Variants in CTNND1 observed in about 807,000 individuals in gnomAD.
The protein encoded by CTNND1 is catenin delta 1, also known as catenin delta-1.
CTNND1 carries 16 observed loss-of-function variants against 112.1 expected under a neutral mutation model. That is an observed-to-expected ratio of 0.14 (90% CI 0.10 to 0.22). The LOEUF is 0.22. Among genes scored for constraint, CTNND1 ranks in the 10% least tolerant of loss-of-function variants. CTNND1 has a pLI of 1.00. For synonymous variants in CTNND1, 420 were observed against 446.5 expected, an observed-to-expected ratio of 0.94 and a Z score of 0.75; for missense variants, 1,008 against 1,257.0, an observed-to-expected ratio of 0.80 and a Z score of 3.00.
intron 4 of CTNND1, 36 bp downstream of exon 4, chr11:57,794,117 C>T: frequency 1.3e-6 from 2 of 1,587,344 alleles, no homozygotes; most frequent in Non-Finnish European, 1.7e-6. Flanking sequence ...TTGCTTCATT[C>T]ATATTTTCTT....
At chr11:57,791,913 A>T (rs966818771) in intron 3 of CTNND1, among the ~76,000 whole-genome samples, 4 of 152,158 alleles carry the variant, frequency 2.6e-5, no homozygotes, top group Non-Finnish European at 5.9e-5. Context: ...TTGCTGGAGT[A>T]GGTTTTTTGG....
chr11:57,787,057 A>G (rs1357910498), intron 1 of CTNND1, among the ~76,000 whole-genome samples: 4 of 152,254 alleles, frequency 2.6e-5, no homozygotes, highest in Admixed American at 1.3e-4. Flanking sequence ...TTCTTCACCC[A>G]TGAGTCTTAT....
chr11:57,780,999 C>T (rs576469881), intron 1 of CTNND1, among the ~76,000 whole-genome samples: 2 of 152,262 alleles, frequency 1.3e-5, no homozygotes, highest in Admixed American at 6.5e-5. Flanking sequence ...AGTGCAATGG[C>T]GCAATCTCTG....
chr11:57,813,115 G>A (rs2137591756), intron 17 of CTNND1, among the ~76,000 whole-genome samples: 1 of 152,190 alleles, frequency 6.6e-6, no homozygotes, highest in East Asian at 1.9e-4. Flanking sequence ...AGGATCATTT[G>A]AGCCCAGGAG....
chr11:57,801,503 G>GA (rs1324391543), intron 6 of CTNND1, among the ~76,000 whole-genome samples: 1 of 151,950 alleles, frequency 6.6e-6, no homozygotes. Flanking sequence ...AGACTTCAAA[G>GA]AAAAAAATGT....
intron 1 of CTNND1, among the ~76,000 whole-genome samples, chr11:57,762,343 A>G (rs1451135233): frequency 2.0e-5 from 3 of 152,142 alleles, no homozygotes; most frequent in African/African-American, 7.2e-5. Flanking sequence ...GAAAATTTAC[A>G]TTTTGGTGTG....
At chr11:57,777,997 G>C (rs966868482) in intron 1 of CTNND1, among the ~76,000 whole-genome samples, 11 of 152,212 alleles carry the variant, frequency 7.2e-5, no homozygotes, top group South Asian at 4.2e-4. Flanking sequence ...AGGAGAGGAG[G>C]CTTTCTTTTC....
At chr11:57,762,286 C>G (rs1950014900) in intron 1 of CTNND1, among the ~76,000 whole-genome samples, 167 bp downstream of exon 1, 8 of 152,090 alleles carry the variant, frequency 5.3e-5, no homozygotes. Flanking sequence ...TTCTAGGTCT[C>G]TTTAATACAG....
At chr11:57,768,125 A>G (rs1951575289) in intron 1 of CTNND1, among the ~76,000 whole-genome samples, 1 of 146,696 alleles carries the variant, frequency 6.8e-6, no homozygotes, top group African/African-American at 2.5e-5. Flanking sequence ...GTGAGCCACC[A>G]TGCCCGTCCG....
chr11:57,770,651 C>CA (rs1276591276), intron 1 of CTNND1, among the ~76,000 whole-genome samples: 4 of 147,822 alleles, frequency 2.7e-5, no homozygotes, highest in Admixed American at 6.7e-5. Flanking sequence ...GACTCCATCT[C>CA]AAAAAAAATA....
At chr11:57,778,446 G>A (rs747061534) in intron 1 of CTNND1, among the ~76,000 whole-genome samples, 10 of 152,138 alleles carry the variant, frequency 6.6e-5, no homozygotes, top group Non-Finnish European at 1.2e-4. Context: ...AATCCCTAAT[G>A]CAGTGCCTCC....
intron 2 of CTNND1, among the ~76,000 whole-genome samples, chr11:57,789,693 C>T (rs1357261884): frequency 6.6e-6 from 1 of 152,114 alleles, no homozygotes. Context: ...AAAAAAATCT[C>T]ATAATGTTTC....
At chr11:57,787,110 A>G (rs146180513) in intron 1 of CTNND1, among the ~76,000 whole-genome samples, 1 of 152,360 alleles carries the variant, frequency 6.6e-6, no homozygotes, top group East Asian at 1.9e-4. Context: ...GATTGCCAAG[A>G]TAGTAAATGT....
At chr11:57,793,716 G>A (rs1419610955) in intron 3 of CTNND1, among the ~76,000 whole-genome samples, 1 of 152,180 alleles carries the variant, frequency 6.6e-6, no homozygotes, top group African/African-American at 2.4e-5. Context: ...GCCAGGCACT[G>A]TTCAAGGCAC....
Position 57,819,070 on chromosome 11 carries a change from T to C in CTNND1, c.*2762T>C, listed in dbSNP as rs1283863216. On this transcript the variant is annotated 3_prime_UTR_variant, in exon 21 of 21. Transcript: ENST00000399050. ...GTTAAGATCTATGGGAAGATACTTA[T>C]TTTTCTGAGGTCCTTATGTCCTGTC... 1 of 152,242 alleles carries C rather than the reference T, an allele frequency of 6.6e-6. No homozygotes were observed. The highest frequency in any genetic ancestry group is 2.4e-5 in the African/African-American group (1 of 41,460). The allele number at this position is 152,242 out of a possible 1,614,324, so 9.4% of individuals were successfully genotyped here.
At chr11:57,780,855 CT>C (rs541965462) in intron 1 of CTNND1, among the ~76,000 whole-genome samples, 99 of 152,300 alleles carry the variant, frequency 6.5e-4, no homozygotes, top group Middle Eastern at 3.4e-3. Context: ...ATGCTTCCAC[CT>C]TTTCCAAGTT....
intron 16 of CTNND1, 143 bp from the exon 17 acceptor site, chr11:57,811,256 T>C (rs2063322779): frequency 1.6e-6 from 1 of 614,022 alleles, no homozygotes; most frequent in African/African-American, 1.8e-5. Flanking sequence ...TGTCTCACTG[T>C]CTAGGGTATT....
chr11:57,794,868 A>G (rs373471353), intron 4 of CTNND1, among the ~76,000 whole-genome samples: 1 of 149,678 alleles, frequency 6.7e-6, no homozygotes, highest in South Asian at 2.1e-4. Context: ...GCCAAGGCAG[A>G]GCAAAACTCC....
chr11:57,809,325 ACTC>A lies in CTNND1; in HGVS notation c.2298_2300del (p.Ser767del), dbSNP rs756193752. On this transcript the variant is annotated inframe_deletion, in exon 15 of 21. Coordinates refer to ENST00000399050, the MANE Select transcript of CTNND1 (RefSeq NM_001085458.2). Reference sequence around the variant, plus strand: ...AAGAATCTGCCAGGAGGACAGCAGAACTCCTCTTGGAATTTCTCTGAGGACACT... The same window carrying A: ...AAGAATCTGCCAGGAGGACAGCAGAACTCTTGGAATTTCTCTGAGGACACT... The A allele has an allele frequency of 3.1e-6, 5 of 1,613,746 alleles. No homozygotes were observed. The highest frequency in any genetic ancestry group is 1.7e-5 in the Admixed American group (1 of 59,998).
Sources: allele counts gnomAD v4.1 joint callset (sites outside exome capture counted in the v4.1 genomes callset), GRCh38; gene constraint gnomAD v4.1.1; transcripts MANE v1.5; gene names NCBI Gene and HGNC (gene_info 2026-07-23, HGNC 2026-07-21).